Variants in MAST3 observed in about 807,000 individuals in gnomAD.
The protein encoded by MAST3 is microtubule-associated serine/threonine-protein kinase 3.
A neutral mutation model predicts 127.0 loss-of-function variants in MAST3; 43 were observed. The ratio of observed to expected loss-of-function variants is 0.34; its 90% CI spans 0.27 to 0.44. The LOEUF (loss-of-function observed/expected upper bound fraction) is 0.44. Among genes scored for constraint, MAST3 ranks in the 20% least tolerant of loss-of-function variants. The pLI is 1.00. For synonymous variants in MAST3, 785 were observed against 809.2 expected (o/e 0.97, Z 0.51); for missense variants, 1,390 against 1,919.1 (o/e 0.72, Z 5.15).
chr19:18,147,596 C>T lies in MAST3; in HGVS notation c.3480C>T (p.Cys1160=). 6.4e-7 allele frequency: 1 copy of T among 1,563,646 alleles called. No homozygotes were observed. Among genetic ancestry groups the T allele is most frequent in the Non-Finnish European group, 8.7e-7 (1 of 1,154,382 alleles). The change falls in exon 27 of 28, where the codon TGC becomes TGT. Residue 1160 remains cysteine (C), a synonymous_variant. Transcript: ENST00000687212. The part of the protein sequence containing the change: ...HSLSPSPTTP[C]RSPAPDVPAD... ...TCTCCCCCAGCCCCACCACTCCCTG[C>T]CGAAGCCCAGCCCCTGATGTCCCAG...
In MAST3 at chr19:18,131,952, C is replaced by G. The variant is rs767646423; in HGVS notation, c.1476C>G (p.Pro492=). The change falls in exon 15 of 28, where the codon CCC becomes CCG. Residue 492 remains proline (P), a synonymous_variant. Coordinates refer to ENST00000687212, the MANE Select transcript of MAST3 (RefSeq NM_001393504.1). ...TCCTGAAGAACATGGGCCCGCTGCCCGTGGACATGGCCCGCCTGTACTTCG... is the reference window on the plus strand; with the variant it reads ...TCCTGAAGAACATGGGCCCGCTGCCGGTGGACATGGCCCGCCTGTACTTCG... The part of the protein sequence containing the change: ...ATLLKNMGPL[P]VDMARLYFAE... 69 of 1,612,726 alleles carry G rather than the reference C, an allele frequency of 4.3e-5. No individual in the cohort carries two copies. Among genetic ancestry groups the G allele is most frequent in the Non-Finnish European group, 5.6e-5 (66 of 1,179,514 alleles).
At chr19:18,111,552 T>TTTTTTTTTG (rs2038638116) in intron 3 of MAST3, among the ~76,000 whole-genome samples, 1 of 137,934 alleles carries the variant, frequency 7.2e-6, no homozygotes, top group African/African-American at 2.5e-5. Context: ...TTTTTTTTTT[T>TTTTTTTTTG]GAGGCAGAGT....
chr19:18,122,479 G>T (rs1048133812), intron 5 of MAST3, among the ~76,000 whole-genome samples, 194 bp from the exon 6 acceptor site: 5 of 150,930 alleles, frequency 3.3e-5, no homozygotes, highest in Non-Finnish European at 5.9e-5. Context: ...CTCACGGGGG[G>T]GCTTCCTGGA....
chr19:18,130,452 C>A (rs1363168362), intron 13 of MAST3, 42 bp from the exon 14 acceptor site: 4 of 1,534,462 alleles, frequency 2.6e-6, no homozygotes, highest in South Asian at 1.2e-5. Context: ...CCTGCTGGGG[C>A]CTCGATCTCC....
chr19:18,105,506 C>CTGGTAACA (rs2037999126), intron 1 of MAST3, among the ~76,000 whole-genome samples: 1 of 149,052 alleles, frequency 6.7e-6, no homozygotes, highest in Non-Finnish European at 1.5e-5. Flanking sequence ...CAAGACTAGC[C>CTGGTAACA]TGGGTAACAT....
At chr19:18,134,765 A>T (rs1053519501) in intron 16 of MAST3, 52 bp from the exon 17 acceptor site, 16 of 1,612,934 alleles carry the variant, frequency 9.9e-6, no homozygotes, top group Middle Eastern at 1.6e-4. Flanking sequence ...CTCTCCTGGG[A>T]CCTCTCTTGG....
In MAST3 at chr19:18,112,989, C is replaced by T. The variant is rs186367712; in HGVS notation, c.161+2248C>T. Reference sequence around the variant, plus strand: ...TATCAGGAGCATCCTAGGAAGGTTTCGGGCCAGATCTGACTCTGTCTAAAT... The same window carrying T: ...TATCAGGAGCATCCTAGGAAGGTTTTGGGCCAGATCTGACTCTGTCTAAAT... On this transcript the variant is annotated intron_variant, in intron 3 of 27. Coordinates refer to ENST00000687212, the MANE Select transcript of MAST3 (RefSeq NM_001393504.1). This position sits in a 1 kb window ranked among gnomAD's most constrained non-coding sequence, Gnocchi z 4.1. Among the ~76,000 whole-genome samples the T allele has an allele frequency of 4.7e-4, 72 of 152,196 alleles. No homozygotes were observed. Among genetic ancestry groups the T allele is most frequent in the African/African-American group, 1.5e-3 (61 of 41,518 alleles).
In MAST3 at chr19:18,121,910, C is replaced by A. The variant is rs2040020793; in HGVS notation, c.308C>A (p.Pro103His). ...TCGGCTGCCTCTGCCCTAAATTTCC[C>A]CTTTGCCCGGAGGTGAGTGATTGCC... ...NFSAASALNFPFARRADGRRW... is the reference protein window; with the variant it reads ...NFSAASALNFHFARRADGRRW... Residue 103 changes from proline (P) to histidine (H), a missense_variant, in exon 5 of 28, where the codon CCC becomes CAC. Pro to His is a moderately conservative substitution (Grantham distance 77). Coordinates refer to ENST00000687212, the MANE Select transcript of MAST3 (RefSeq NM_001393504.1). 6.2e-7 allele frequency: 1 copy of A among 1,613,932 alleles called. No homozygotes were observed. Among genetic ancestry groups the A allele is most frequent in the Non-Finnish European group, 8.5e-7 (1 of 1,179,916 alleles).
Position 18,110,337 on chromosome 19 carries a change from C to A in MAST3, c.72-315C>A. On this transcript the variant is annotated intron_variant, in intron 2 of 27. Coordinates refer to ENST00000687212, the MANE Select transcript of MAST3 (RefSeq NM_001393504.1). The surrounding 1 kb of genome is among the most constrained non-coding windows in gnomAD (Gnocchi z 4.3). ...GCCTCGGCATGAAGTCCCGCAGGGACAAGCTGCACATCCCGGCGCTGACCC... is the reference window on the plus strand; with the variant it reads ...GCCTCGGCATGAAGTCCCGCAGGGAAAAGCTGCACATCCCGGCGCTGACCC... The A allele has an allele frequency of 1.0e-6, 1 of 985,570 alleles. No individual in the cohort carries two copies. The highest frequency in any genetic ancestry group is 1.2e-6 in the Non-Finnish European group (1 of 830,038). The allele number at this position is 985,570 out of a possible 1,614,324, so 61.1% of individuals were successfully genotyped here.
intron 9 of MAST3, 45 bp from the exon 10 acceptor site, chr19:18,124,220 C>T (rs935367063): frequency 6.9e-6 from 11 of 1,589,240 alleles, no homozygotes; most frequent in African/African-American, 5.4e-5. Context: ...CCAGGCCAGA[C>T]GGTGCTGAGG....
At chr19:18,128,300 C>T (rs899245892) in intron 11 of MAST3, 100 bp from the exon 12 acceptor site, 3 of 927,146 alleles carry the variant, frequency 3.2e-6, no homozygotes, top group African/African-American at 3.3e-5. Context: ...GGCACTGCAT[C>T]CCCAGCCTGG....
Position 18,144,820 on chromosome 19 carries a change from G to A in MAST3, c.2812+127G>A, listed in dbSNP as rs1020562172. ...AGAGGGGAGGAGGAGTAGGACACAT[G>A]GAGAGCTGGGGAGATGGTGTTCCCA... On this transcript the variant is annotated intron_variant, in intron 23 of 27. Coordinates refer to ENST00000687212, the MANE Select transcript of MAST3 (RefSeq NM_001393504.1). The surrounding 1 kb of genome is among the most constrained non-coding windows in gnomAD (Gnocchi z 4.0). 33 of 1,051,594 alleles carry A rather than the reference G, an allele frequency of 3.1e-5. No homozygotes were observed. The Admixed American group carries it at 6.3e-4, about 20-fold the overall frequency. The allele number at this position is 1,051,594 out of a possible 1,614,324, so 65.1% of individuals were successfully genotyped here.
At chr19:18,105,449 G>A (rs974022023) in intron 1 of MAST3, among the ~76,000 whole-genome samples, 6 of 151,016 alleles carry the variant, frequency 4.0e-5, no homozygotes, top group African/African-American at 1.5e-4. Flanking sequence ...TTGTAATCCC[G>A]GCATTTTGGG....
chr19:18,126,184 T>C (rs1235406724), intron 11 of MAST3, among the ~76,000 whole-genome samples: 1 of 152,002 alleles, frequency 6.6e-6, no homozygotes, highest in African/African-American at 2.4e-5. Flanking sequence ...ATCACACCAC[T>C]GTCCTCCAGC....
rs1003585111 is a variant in MAST3 at position 18,131,761 on chromosome 19, C to T, written c.1433-148C>T. 6.2e-6 allele frequency: 5 copies of T among 811,926 alleles called. No individual in the cohort carries two copies. In the East Asian group the frequency reaches 1.3e-4, roughly 22 times the overall value. 50.3% of individuals were successfully genotyped at this position (811,926 alleles called of 1,614,324 possible). On this transcript the variant is annotated intron_variant, in intron 14 of 27. Coordinates refer to ENST00000687212, the MANE Select transcript of MAST3 (RefSeq NM_001393504.1). ...GGTAGGGTCCGCCCCTTCCCTCTCC[C>T]CCGACCCTCCCCGCTGAGATAGAAC...
chr19:18,118,645 G>A (rs1156676411), intron 3 of MAST3, among the ~76,000 whole-genome samples: 1 of 152,200 alleles, frequency 6.6e-6, no homozygotes, highest in Non-Finnish European at 1.5e-5. Flanking sequence ...TTTACTGCAC[G>A]AGGCTGGCAT....
rs2147870707 is a variant in MAST3 at position 18,147,521 on chromosome 19, C to T, written c.3405C>T (p.His1135=). 2 of 1,611,684 alleles carry T rather than the reference C, an allele frequency of 1.2e-6. No individual in the cohort carries two copies. Among genetic ancestry groups the T allele is most frequent in the Middle Eastern group, 3.3e-4 (2 of 6,058 alleles). The change falls in exon 27 of 28, where the codon CAC becomes CAT. Residue 1135 remains histidine, a synonymous_variant. Transcript: ENST00000687212. ...HTSRSFSSGL[H]HSLSSSESLP... ...GCCGCAGCTTCTCCTCCGGACTCCA[C>T]CACTCACTGTCATCCAGTGAGAGCC...
Position 18,145,635 on chromosome 19 carries a change from G to A in MAST3, c.3040-108G>A. 7.6e-7 allele frequency: 1 copy of A among 1,313,774 alleles called. No individual in the cohort carries two copies. Among genetic ancestry groups the A allele is most frequent in the South Asian group, 1.6e-5 (1 of 63,190 alleles). 81.4% of individuals were successfully genotyped at this position (1,313,774 alleles called of 1,614,324 possible). A position where few individuals can be genotyped will look rare whatever the true frequency, so the allele number is the denominator to read the frequency against. ...CCCCAGGATCAGGGAAACTGAGACA[G>A]CACAAGAGGCAGCAGCTTGCTGGGG... On this transcript the variant is annotated intron_variant, in intron 24 of 27. Transcript: ENST00000687212. This position sits in a 1 kb window ranked among gnomAD's most constrained non-coding sequence, Gnocchi z 5.9.
At chr19:18,148,796 A>AG (rs2043289233) in intron 27 of MAST3, among the ~76,000 whole-genome samples, 1 of 151,862 alleles carries the variant, frequency 6.6e-6, no homozygotes, top group Admixed American at 6.6e-5. Flanking sequence ...CCAGTTACTT[A>AG]GGGGGCCGAG....
Sources: allele counts gnomAD v4.1 joint callset (sites outside exome capture counted in the v4.1 genomes callset), GRCh38; gene constraint gnomAD v4.1.1; non-coding constraint Gnocchi (gnomAD v3.1); transcripts MANE v1.5; gene names NCBI Gene and HGNC (gene_info 2026-07-23, HGNC 2026-07-21).